KCND3: variants seen among roughly 807,000 people sequenced by gnomAD.
KCND3 encodes A-type voltage-gated potassium channel KCND3.
Under a neutral mutation model 51.1 loss-of-function variants are expected in KCND3, and 9 were observed. The ratio of observed to expected loss-of-function variants is 0.18; its 90% CI spans 0.11 to 0.31. The LOEUF is 0.31. KCND3 is among the 10% of genes least tolerant of loss of function. The pLI is 1.00. For synonymous variants in KCND3, 349 were observed against 368.0 expected (o/e 0.95, Z 0.59); for missense variants, 526 against 903.8 (o/e 0.58, Z 5.36).
chr1:111,900,815 G>T (rs1571823268), intron 2 of KCND3, among the ~76,000 whole-genome samples: 1 of 152,080 alleles, frequency 6.6e-6, no homozygotes. Flanking sequence ...AAATTAGCCG[G>T]GTGTGGTGGC....
chr1:111,912,650 G>A (rs1053768908), intron 2 of KCND3, among the ~76,000 whole-genome samples: 3 of 152,174 alleles, frequency 2.0e-5, no homozygotes, highest in Admixed American at 6.5e-5. Flanking sequence ...AGATGTAGAG[G>A]TGGAAAACAG....
intron 2 of KCND3, among the ~76,000 whole-genome samples, chr1:111,875,805 A>T (rs1274685159): frequency 6.6e-6 from 1 of 152,258 alleles, no homozygotes; most frequent in Non-Finnish European, 1.5e-5. Flanking sequence ...AAGGAAAACC[A>T]TTAGACCTGC....
chr1:111,820,524 C>T (rs1175949083), intron 2 of KCND3, among the ~76,000 whole-genome samples: 2 of 152,174 alleles, frequency 1.3e-5, no homozygotes, highest in African/African-American at 4.8e-5. Context: ...TTCCATTTTA[C>T]AGTGGAGTGC....
intron 2 of KCND3, among the ~76,000 whole-genome samples, chr1:111,885,315 T>C (rs1240310018): frequency 6.6e-6 from 1 of 152,172 alleles, no homozygotes; most frequent in African/African-American, 2.4e-5. Flanking sequence ...ACAGAACTCT[T>C]ATCAACAACT....
In KCND3 at chr1:111,777,395, C is replaced by T. The variant is rs1240831181; in HGVS notation, c.1519-122G>A. The T allele has an allele frequency of 3.5e-5, 36 of 1,030,672 alleles. No homozygotes were observed. The South Asian group carries it at 3.6e-4, about 10-fold the overall frequency. 63.8% of individuals were successfully genotyped at this position (1,030,672 alleles called of 1,614,324 possible). On this transcript the variant is annotated intron_variant, in intron 6 of 7. Transcript: ENST00000302127. ...CTTGAAGGAAGGGCTCCCAGCTGCC[C>T]GGATCACAGATAAGCATTCAGGAGG...
intron 2 of KCND3, among the ~76,000 whole-genome samples, chr1:111,918,782 G>C (rs917555450): frequency 6.6e-6 from 1 of 152,188 alleles, no homozygotes; most frequent in Non-Finnish European, 1.5e-5. Context: ...AGGGAATGAT[G>C]AGCCAGGAAG....
intron 2 of KCND3, among the ~76,000 whole-genome samples, chr1:111,859,099 T>C (rs1291282449): frequency 6.6e-6 from 1 of 152,216 alleles, no homozygotes; most frequent in East Asian, 1.9e-4. Context: ...AATTTGATCA[T>C]GTCTGTCTCC....
intron 2 of KCND3, among the ~76,000 whole-genome samples, chr1:111,813,253 C>T (rs1478620153): frequency 1.3e-5 from 2 of 152,136 alleles, no homozygotes; most frequent in East Asian, 3.8e-4. Flanking sequence ...GATCAGAAGC[C>T]AGCAATTTCT....
intron 2 of KCND3, among the ~76,000 whole-genome samples, chr1:111,849,775 C>T (rs370630604): frequency 3.3e-5 from 5 of 152,308 alleles, no homozygotes; most frequent in African/African-American, 1.2e-4. Flanking sequence ...TTTTGCTTAT[C>T]TGTTCTCCTG....
chr1:111,843,573 G>C (rs536488349), intron 2 of KCND3, among the ~76,000 whole-genome samples: 155 of 152,288 alleles, frequency 1.0e-3, no homozygotes, highest in Non-Finnish European at 1.6e-3. Context: ...TGGACATCTT[G>C]CTTTGTTTTG....
Position 111,819,379 on chromosome 1 carries a change from C to CA in KCND3, c.1107-32274dup, listed in dbSNP as rs780021547. Among the ~76,000 whole-genome samples the CA allele has an allele frequency of 5.0e-3, 640 of 129,082 alleles. 5 individuals carry two copies. In the East Asian group the frequency reaches 0.065, roughly 13 times the overall value. The allele number at this position is 129,082 out of a possible 152,430, so 84.7% of individuals were successfully genotyped here. ...GGAATTCAGATTAGAGATGTGAAGC[C>CA]AAAAAAAAAAAAAATTCCCCAAACC... On this transcript the variant is annotated intron_variant, in intron 2 of 7. Coordinates refer to ENST00000302127, the MANE Select transcript of KCND3 (RefSeq NM_001378969.1).
At chr1:111,931,002 T>C (rs1050580806) in intron 2 of KCND3, among the ~76,000 whole-genome samples, 9 of 152,200 alleles carry the variant, frequency 5.9e-5, no homozygotes, top group African/African-American at 1.2e-4. Context: ...CCTGTCTTTG[T>C]GATGAAGGAA....
chr1:111,848,843 G>C (rs1667681963), intron 2 of KCND3, among the ~76,000 whole-genome samples: 1 of 152,206 alleles, frequency 6.6e-6, no homozygotes, highest in South Asian at 2.1e-4. Context: ...GGATGCCAGG[G>C]ACGCGGGATG....
chr1:111,979,843 G>A (rs1674843061), intron 2 of KCND3, among the ~76,000 whole-genome samples: 1 of 152,152 alleles, frequency 6.6e-6, no homozygotes, highest in Admixed American at 6.5e-5. Context: ...TAATGAGTAG[G>A]TGGCTATCAC....
chr1:111,965,216 G>A (rs181211168), intron 2 of KCND3, among the ~76,000 whole-genome samples: 91 of 152,130 alleles, frequency 6.0e-4, no homozygotes, highest in Non-Finnish European at 1.1e-3. Context: ...GGGTGTGGAG[G>A]TTGGGTCAGA....
intron 2 of KCND3, among the ~76,000 whole-genome samples, chr1:111,969,606 ATAAT>A (rs1674211853): frequency 6.6e-6 from 1 of 152,244 alleles, no homozygotes; most frequent in African/African-American, 2.4e-5. Flanking sequence ...ATACGTAAAA[ATAAT>A]TAATAACATT....
intron 2 of KCND3, among the ~76,000 whole-genome samples, chr1:111,835,259 G>C (rs1423606297): frequency 6.6e-6 from 1 of 152,186 alleles, no homozygotes; most frequent in Non-Finnish European, 1.5e-5. Context: ...GGCGGTTGGA[G>C]GGCAGGGAGA....
chr1:111,846,868 C>T (rs1188499512), intron 2 of KCND3, among the ~76,000 whole-genome samples: 1 of 152,156 alleles, frequency 6.6e-6, no homozygotes, highest in Non-Finnish European at 1.5e-5. Context: ...TGAAGCAGCC[C>T]TGGGCAGTTC....
At chr1:111,919,206 A>T (rs532306643) in intron 2 of KCND3, among the ~76,000 whole-genome samples, 51 of 149,924 alleles carry the variant, frequency 3.4e-4, no homozygotes, top group Non-Finnish European at 6.4e-4. Context: ...GGCATTCTAG[A>T]TTGGGGAGAC....
Sources: allele counts gnomAD v4.1 joint callset (sites outside exome capture counted in the v4.1 genomes callset), GRCh38; gene constraint gnomAD v4.1.1; transcripts MANE v1.5; gene names NCBI Gene and HGNC (gene_info 2026-07-23, HGNC 2026-07-21).